The following NRG3 variants were observed in gnomAD, a reference collection of about 807,000 sequenced individuals.
NRG3 encodes pro-neuregulin-3, membrane-bound isoform.
In NRG3, 31 loss-of-function variants were observed where a neutral mutation model predicts 66.9. The observed-to-expected ratio is 0.46, with a 90% CI of 0.35 to 0.63. The LOEUF (loss-of-function observed/expected upper bound fraction) is 0.63. Among genes scored for constraint, NRG3 ranks in the 20% least tolerant of loss-of-function variants. NRG3 has a pLI of 0.00. For missense variants in NRG3, 910 were observed against 878.9 expected, an observed-to-expected ratio of 1.04 and a Z score of -0.45; for synonymous variants, 393 against 359.4, an observed-to-expected ratio of 1.09 and a Z score of -1.06.
intron 1 of NRG3, among the ~76,000 whole-genome samples, chr10:81,896,267 T>A (rs960244186): frequency 6.6e-6 from 1 of 152,080 alleles, no homozygotes; most frequent in African/African-American, 2.4e-5. Context: ...GAGTTGTATG[T>A]CAATCTCTGA....
intron 3 of NRG3, among the ~76,000 whole-genome samples, chr10:82,852,126 G>A (rs551086042): frequency 2.0e-5 from 3 of 152,296 alleles, no homozygotes; most frequent in East Asian, 3.9e-4. Flanking sequence ...AACACTGATC[G>A]ACAGGGAACA....
At chr10:81,891,033 C>T (rs886367208) in intron 1 of NRG3, among the ~76,000 whole-genome samples, 53 of 152,278 alleles carry the variant, frequency 3.5e-4, no homozygotes, top group African/African-American at 1.3e-3. Context: ...ATCACACATG[C>T]TGCATTTTGG....
intron 1 of NRG3, among the ~76,000 whole-genome samples, chr10:82,337,354 G>A (rs888773363): frequency 1.3e-5 from 2 of 152,144 alleles, no homozygotes; most frequent in Non-Finnish European, 2.9e-5. Flanking sequence ...TCTTTTATTA[G>A]TGAATAATAT....
At chr10:82,870,054 G>A (rs1407124879) in intron 4 of NRG3, among the ~76,000 whole-genome samples, 2 of 134,234 alleles carry the variant, frequency 1.5e-5, no homozygotes, top group Non-Finnish European at 3.1e-5. Flanking sequence ...ATTTTTAGTA[G>A]AGACGGGGTT....
At chr10:82,525,506 A>G (rs1846612244) in intron 2 of NRG3, among the ~76,000 whole-genome samples, 1 of 151,946 alleles carries the variant, frequency 6.6e-6, no homozygotes, top group South Asian at 2.1e-4. Context: ...CTATGAATTT[A>G]TGATAACTTT....
At chr10:82,117,497 T>C (rs923948379) in intron 1 of NRG3, among the ~76,000 whole-genome samples, 1 of 152,152 alleles carries the variant, frequency 6.6e-6, no homozygotes, top group Non-Finnish European at 1.5e-5. Flanking sequence ...ACTTGATATC[T>C]TGAATGATGA....
chr10:82,048,833 C>A (rs59242015), intron 1 of NRG3, among the ~76,000 whole-genome samples: 2,709 of 150,302 alleles, frequency 0.018, 87 homozygotes, highest in African/African-American at 0.063. Context: ...AAAGGATCAA[C>A]AAAATTGATA....
chr10:82,845,808 C>T (rs1365446504), intron 3 of NRG3, among the ~76,000 whole-genome samples: 3 of 152,030 alleles, frequency 2.0e-5, no homozygotes, highest in African/African-American at 7.2e-5. Context: ...AATCGAATCA[C>T]AAAAAGTACT....
chr10:82,742,959 A>G (rs1248752570), intron 3 of NRG3, among the ~76,000 whole-genome samples: 2 of 152,112 alleles, frequency 1.3e-5, no homozygotes, highest in Admixed American at 6.5e-5. Flanking sequence ...ATCCTGACAT[A>G]ATCACCAGCC....
chr10:81,886,835 A>G (rs1354745677), intron 1 of NRG3, among the ~76,000 whole-genome samples: 3 of 152,156 alleles, frequency 2.0e-5, no homozygotes, highest in Non-Finnish European at 4.4e-5. Context: ...ATTATATAAG[A>G]TATCCATGAT....
intron 1 of NRG3, among the ~76,000 whole-genome samples, chr10:81,982,490 C>A (rs1167540280): frequency 6.6e-6 from 1 of 152,154 alleles, no homozygotes; most frequent in East Asian, 1.9e-4. Flanking sequence ...CATCGTGGTA[C>A]CAAAATCTGT....
At chr10:82,731,095 G>A (rs2057876290) in intron 2 of NRG3, among the ~76,000 whole-genome samples, 1 of 152,048 alleles carries the variant, frequency 6.6e-6, no homozygotes, top group South Asian at 2.1e-4. Context: ...AGCTGGGTGC[G>A]GTGGCTCACG....
intron 1 of NRG3, among the ~76,000 whole-genome samples, chr10:81,888,614 G>A (rs76802373): frequency 0.021 from 3,128 of 152,200 alleles, 66 homozygotes; most frequent in East Asian, 0.11. Flanking sequence ...AGAGAAGGGA[G>A]GCCCAGGGAG....
intron 4 of NRG3, among the ~76,000 whole-genome samples, chr10:82,951,074 A>G (rs1481317132): frequency 6.6e-6 from 1 of 152,190 alleles, no homozygotes; most frequent in Non-Finnish European, 1.5e-5. Flanking sequence ...GCACCACAGA[A>G]GGTAAATTAG....
rs76734505 is a variant in NRG3, at chr10:82,275,832, T to G, written c.824-82907T>G. Among the ~76,000 whole-genome samples the G allele has an allele frequency of 8.4e-3, 1,276 of 152,150 alleles. 12 individuals are homozygous for G. The highest frequency in any genetic ancestry group is 0.029 in the African/African-American group (1,213 of 41,528). On this transcript the variant is annotated intron_variant, in intron 1 of 8. Coordinates refer to ENST00000372141, the MANE Select transcript of NRG3 (RefSeq NM_001010848.4). ...ATATAAAATGTGCAGAATGTAACTG[T>G]GCTTTTACTTTAAGTTTAGGAGGAA... is the stretch of plus-strand genomic sequence containing the variant.
intron 1 of NRG3, among the ~76,000 whole-genome samples, chr10:82,020,033 G>A (rs942090159): frequency 9.9e-5 from 15 of 152,000 alleles, no homozygotes; most frequent in Non-Finnish European, 1.6e-4. Context: ...TGATGTTAGG[G>A]TGTCAGTTTT....
At chr10:82,645,619 C>T (rs1315091696) in intron 2 of NRG3, among the ~76,000 whole-genome samples, 2 of 152,148 alleles carry the variant, frequency 1.3e-5, no homozygotes, top group South Asian at 2.1e-4. Flanking sequence ...AATGCAACTG[C>T]CCAAATCCAT....
chr10:82,699,308 G>A (rs1275162070), intron 2 of NRG3, among the ~76,000 whole-genome samples: 1 of 151,482 alleles, frequency 6.6e-6, no homozygotes, highest in Non-Finnish European at 1.5e-5. Context: ...AGGGAGACAG[G>A]GAGGGAGGGA....
chr10:82,307,853 A>AT (rs1300356778), intron 1 of NRG3, among the ~76,000 whole-genome samples: 3 of 148,710 alleles, frequency 2.0e-5, no homozygotes, highest in Admixed American at 6.7e-5. Context: ...TGGTTTCACT[A>AT]TTTTTTTCAC....
Sources: gnomAD v4.1 joint callset for allele counts (sites outside exome capture counted in the v4.1 genomes callset) on GRCh38, gnomAD v4.1.1 for gene constraint, MANE v1.5 for transcripts, NCBI Gene and HGNC (gene_info 2026-07-23, HGNC 2026-07-21) for gene names.